PMM2: variants seen among roughly 807,000 people sequenced by gnomAD.
PMM2 encodes the protein phosphomannomutase 2.
In PMM2, 35 loss-of-function variants were observed where a neutral mutation model predicts 33.2. The ratio of observed to expected loss-of-function variants is 1.06; its 90% CI spans 0.81 to 1.40. The LOEUF is 1.40. PMM2 is among the 40% of genes most tolerant of loss of function. PMM2 has a pLI of 0.00. For missense variants in PMM2, 386 were observed against 306.0 expected, an observed-to-expected ratio of 1.26 and a Z score of -1.95; for synonymous variants, 153 against 114.7, an observed-to-expected ratio of 1.33 and a Z score of -2.13.
intron 7 of PMM2, chr16:8,842,113 A>AAG: frequency 6.9e-6 from 1 of 145,608 alleles, no homozygotes; most frequent in East Asian, 2.1e-4. Flanking sequence ...TTCTGACCGC[A>AAG]CTAACCATGC....
At chr16:8,836,204 C>T (rs533888493) in intron 7 of PMM2, among the ~76,000 whole-genome samples, 7 of 151,998 alleles carry the variant, frequency 4.6e-5, no homozygotes, top group South Asian at 4.2e-4. Context: ...TGGACTTACC[C>T]TCCACTGTGA....
chr16:8,803,198 G>C (rs1177653954), intron 2 of PMM2, among the ~76,000 whole-genome samples: 2 of 152,192 alleles, frequency 1.3e-5, no homozygotes, highest in Non-Finnish European at 2.9e-5. Context: ...TGTATGGACT[G>C]TATTTATAGG....
chr16:8,821,270 G>A (rs2060737780), intron 7 of PMM2, among the ~76,000 whole-genome samples: 1 of 152,158 alleles, frequency 6.6e-6, no homozygotes, highest in South Asian at 2.1e-4. Context: ...TCTCAGCCTG[G>A]TGGAGATGTC....
chr16:8,842,305 GAGC>G (rs1359388040), intron 7 of PMM2: 1 of 152,432 alleles, frequency 6.6e-6, no homozygotes, highest in Non-Finnish European at 1.5e-5. Flanking sequence ...AATGCTGAAG[GAGC>G]AGAAGTGTGT....
intron 7 of PMM2, 40 bp from the exon 8 acceptor site, chr16:8,847,684 G>T: frequency 6.7e-7 from 1 of 1,483,012 alleles, no homozygotes; most frequent in Non-Finnish European, 9.4e-7. Flanking sequence ...GCCCGGGACA[G>T]ACGAGGGGGA....
At chr16:8,847,629 C>T in intron 7 of PMM2, 95 bp from the exon 8 acceptor site, 1 of 873,514 alleles carries the variant, frequency 1.1e-6, no homozygotes. Flanking sequence ...CCAGTTAAAT[C>T]TTGTTTTTTG....
intron 7 of PMM2, chr16:8,832,665 C>T (rs1197088684): frequency 2.4e-5 from 24 of 985,334 alleles, no homozygotes; most frequent in Non-Finnish European, 2.8e-5. Flanking sequence ...CAATTGCGTC[C>T]TCACCCCGCA....
chr16:8,802,215 C>T, intron 2 of PMM2: 1 of 459,850 alleles, frequency 2.2e-6, no homozygotes, highest in South Asian at 1.5e-5. Context: ...CGTTGACAGC[C>T]CTTCTAGCCC....
intron 7 of PMM2, among the ~76,000 whole-genome samples, chr16:8,845,499 C>G (rs1034715350): frequency 6.6e-6 from 1 of 152,156 alleles, no homozygotes; most frequent in Non-Finnish European, 1.5e-5. Flanking sequence ...TGTGTGAATA[C>G]TGACTCCCCT....
intron 7 of PMM2, among the ~76,000 whole-genome samples, chr16:8,831,051 A>G (rs111571268): frequency 6.6e-6 from 1 of 152,208 alleles, no homozygotes; most frequent in African/African-American, 2.4e-5. Flanking sequence ...AGGCAGGAGA[A>G]TCACTTGAAC....
chr16:8,802,738 G>A (rs2060623206), intron 2 of PMM2, among the ~76,000 whole-genome samples: 1 of 151,914 alleles, frequency 6.6e-6, no homozygotes. Flanking sequence ...GCCGAGGCAG[G>A]AGAATTGCTT....
chr16:8,798,004 G>T (rs971085657), intron 1 of PMM2, 56 bp downstream of exon 1: 2 of 1,534,530 alleles, frequency 1.3e-6, no homozygotes, highest in Admixed American at 1.9e-5. Flanking sequence ...GCTGTTCCCA[G>T]TTGGGGCTAT....
chr16:8,848,262 G>C lies in PMM2; in HGVS notation c.*437G>C, dbSNP rs2060942198. 1 of 220,816 alleles carries C rather than the reference G, an allele frequency of 4.5e-6. No homozygotes were observed. The highest frequency in any genetic ancestry group is 2.3e-5 in the African/African-American group (1 of 43,704). 13.7% of individuals were successfully genotyped at this position (220,816 alleles called of 1,614,324 possible). On this transcript the variant is annotated 3_prime_UTR_variant, in exon 8 of 8. Transcript: ENST00000268261. ...ACCAAACATGGGGGTTTGGTAATGA[G>C]AAACCAGGACAGGCCATCTGCAGTG...
intron 7 of PMM2, among the ~76,000 whole-genome samples, chr16:8,820,903 A>G (rs1274063443): frequency 6.6e-6 from 1 of 152,178 alleles, no homozygotes; most frequent in Non-Finnish European, 1.5e-5. Flanking sequence ...GCACCTTCCT[A>G]CACACCTTCC....
intron 7 of PMM2, among the ~76,000 whole-genome samples, chr16:8,842,701 G>A (rs1227322483): frequency 1.3e-5 from 2 of 152,238 alleles, no homozygotes; most frequent in Admixed American, 6.5e-5. Flanking sequence ...GAACTAATCT[G>A]TAAGACTTGT....
intron 7 of PMM2, among the ~76,000 whole-genome samples, chr16:8,844,758 C>A (rs1307104259): frequency 6.6e-6 from 1 of 151,892 alleles, no homozygotes; most frequent in Non-Finnish European, 1.5e-5. Flanking sequence ...TTTGTCTCTA[C>A]CAGAAAATGA....
In PMM2 at chr16:8,847,966, G is replaced by A. The variant is rs1289152852; in HGVS notation, c.*141G>A. 5 of 655,140 alleles carry A rather than the reference G, an allele frequency of 7.6e-6. No homozygotes were observed. Among genetic ancestry groups the A allele is most frequent in the African/African-American group, 7.1e-5 (4 of 56,060 alleles). 40.6% of individuals were successfully genotyped at this position (655,140 alleles called of 1,614,324 possible). ...ATGCTATGCCAGGCATGTGCAGTCT[G>A]GACTTCCACCTCCAGTGCCAGAAAC... On this transcript the variant is annotated 3_prime_UTR_variant, in exon 8 of 8. Transcript: ENST00000268261.
chr16:8,812,335 G>A (rs112081370), intron 6 of PMM2, among the ~76,000 whole-genome samples: 1,907 of 152,310 alleles, frequency 0.013, 44 homozygotes, highest in African/African-American at 0.043. Context: ...CCTGCCAAAT[G>A]CTTTGCACAC....
chr16:8,802,297 A>G (rs987792182), intron 2 of PMM2: 1 of 455,924 alleles, frequency 2.2e-6, no homozygotes, highest in African/African-American at 2.0e-5. Flanking sequence ...CAGAATCTCC[A>G]GCACAGGACC....
Sources: gnomAD v4.1 joint callset for allele counts (sites outside exome capture counted in the v4.1 genomes callset) on GRCh38, gnomAD v4.1.1 for gene constraint, MANE v1.5 for transcripts, NCBI Gene and HGNC (gene_info 2026-07-23, HGNC 2026-07-21) for gene names.